The following EHMT1 variants were observed in gnomAD, a reference collection of about 807,000 sequenced individuals.
The protein encoded by EHMT1 is histone-lysine N-methyltransferase EHMT1.
EHMT1 carries 15 observed loss-of-function variants against 147.2 expected under a neutral mutation model. The observed-to-expected ratio is 0.10, with a 90% CI of 0.07 to 0.16. EHMT1 has a LOEUF of 0.16. Ranked by LOEUF, EHMT1 falls within the 10% of genes least tolerant of loss-of-function variation. The pLI, the probability that EHMT1 is intolerant of heterozygous loss-of-function variation, is 1.00. For synonymous variants in EHMT1, 795 were observed against 709.6 expected (o/e 1.12, Z -1.91); for missense variants, 1,587 against 1,772.4 (o/e 0.90, Z 1.88).
chr9:137,656,952 G>A (rs1938521263), intron 1 of EHMT1, among the ~76,000 whole-genome samples: 1 of 151,866 alleles, frequency 6.6e-6, no homozygotes, highest in South Asian at 2.1e-4. Context: ...TTTTGGCCAG[G>A]CTGGTCTTGA....
chr9:137,812,423 TG>T (rs994395490), intron 19 of EHMT1, among the ~76,000 whole-genome samples: 1 of 152,212 alleles, frequency 6.6e-6, no homozygotes, highest in African/African-American at 2.4e-5. Flanking sequence ...TGGCCTGGGA[TG>T]GAGTGTGTGT....
intron 25 of EHMT1, among the ~76,000 whole-genome samples, chr9:137,825,215 G>T (rs1250877011): frequency 6.6e-6 from 1 of 152,160 alleles, no homozygotes; most frequent in Non-Finnish European, 1.5e-5. Context: ...ACATTCTGTG[G>T]GCCAGAAGCA....
intron 7 of EHMT1, 66 bp from the exon 8 acceptor site, chr9:137,754,102 TGTA>T: frequency 6.2e-7 from 1 of 1,610,432 alleles, no homozygotes. Context: ...AGAAAACACT[TGTA>T]GTGCTCTTGC....
chr9:137,761,258 C>CTG (rs1949789483), intron 9 of EHMT1, among the ~76,000 whole-genome samples: 1 of 152,194 alleles, frequency 6.6e-6, no homozygotes, highest in African/African-American at 2.4e-5. Context: ...TTGGCTGCTT[C>CTG]TGAATGGTAG....
intron 9 of EHMT1, among the ~76,000 whole-genome samples, chr9:137,759,858 T>C (rs1208839896): frequency 6.6e-6 from 1 of 152,106 alleles, no homozygotes; most frequent in East Asian, 1.9e-4. Flanking sequence ...GTGTTTCAGA[T>C]GGGACAGGCG....
intron 4 of EHMT1, among the ~76,000 whole-genome samples, chr9:137,734,231 G>A (rs1185520203): frequency 6.6e-6 from 1 of 152,078 alleles, no homozygotes; most frequent in Non-Finnish European, 1.5e-5. Context: ...CCTAAAGGAA[G>A]GTATGGAGAG....
At chr9:137,735,012 G>A (rs531282700) in intron 4 of EHMT1, among the ~76,000 whole-genome samples, 2 of 152,350 alleles carry the variant, frequency 1.3e-5, no homozygotes, top group East Asian at 3.9e-4. Flanking sequence ...GAGAAGTAAA[G>A]ACATGGGCAG....
chr9:137,821,071 G>T (rs1488521055), intron 25 of EHMT1, among the ~76,000 whole-genome samples: 2 of 152,278 alleles, frequency 1.3e-5, no homozygotes, highest in South Asian at 2.1e-4. Flanking sequence ...TAGAGACAGG[G>T]TTTCACCATG....
intron 1 of EHMT1, chr9:137,641,330 C>G (rs1180897067): frequency 1.2e-5 from 6 of 480,294 alleles, no homozygotes; most frequent in Non-Finnish European, 2.5e-5. Flanking sequence ...AGATGAAATT[C>G]TTTGAGAGAG....
intron 25 of EHMT1, among the ~76,000 whole-genome samples, chr9:137,823,769 G>C (rs893516602): frequency 6.6e-6 from 1 of 152,004 alleles, no homozygotes; most frequent in Non-Finnish European, 1.5e-5. Context: ...TGTTGGCCAG[G>C]CTGGTCTCGA....
At chr9:137,816,331 C>T (rs1954916775) in intron 23 of EHMT1, 2 of 517,956 alleles carry the variant, frequency 3.9e-6, no homozygotes, top group South Asian at 2.0e-5. Context: ...GAGGAACGGA[C>T]TTGGCCTAAG....
chr9:137,770,049 C>CAAGA (rs1950493507), intron 10 of EHMT1, among the ~76,000 whole-genome samples: 1 of 152,158 alleles, frequency 6.6e-6, no homozygotes, highest in Non-Finnish European at 1.5e-5. Flanking sequence ...CTTGCCCAGG[C>CAAGA]TGGTGTGGAA....
intron 19 of EHMT1, 58 bp downstream of exon 19, chr9:137,811,673 G>C (rs1954495192): frequency 1.3e-6 from 2 of 1,596,534 alleles, no homozygotes; most frequent in South Asian, 2.2e-5. Context: ...GGCGCCCAGA[G>C]AGACCGCTTG....
At chr9:137,638,159 G>A (rs926278454) in intron 1 of EHMT1, 1 of 151,618 alleles carries the variant, frequency 6.6e-6, no homozygotes, top group East Asian at 1.9e-4. Context: ...TGCCCAGGCT[G>A]GAGTGCAGTG....
chr9:137,834,031 TGG>T (rs1203853879), intron 25 of EHMT1: 1 of 431,736 alleles, frequency 2.3e-6, no homozygotes, highest in African/African-American at 2.0e-5. Context: ...GGTCCTCGGG[TGG>T]GATGGCGCTG....
Position 137,775,218 on chromosome 9 carries a change from A to G in EHMT1, c.1757A>G (p.Gln586Arg). ...EDHRGRMVKH[Q>R]CCPGCGYFCT... is the part of the protein sequence containing the mutation. The stretch of plus-strand genomic sequence containing the variant: ...CACCGGGGCCGCATGGTGAAGCACC[A>G]GTGCTGTCCTGGCTGTGGCTACTTC... Residue 586 changes from glutamine (Q) to arginine (R), a missense_variant, in exon 11 of 27, where the codon CAG becomes CGG. By Grantham distance (43) the Gln-to-Arg change is conservative. Around this residue, in one of 7 missense-constraint regions of EHMT1, gnomAD observed 124 missense variants for 197.8 expected, o/e 0.63. Transcript: ENST00000460843. This position sits in a 1 kb window ranked among gnomAD's most constrained non-coding sequence, Gnocchi z 6.1. The G allele has an allele frequency of 6.2e-7, 1 of 1,613,222 alleles. No homozygotes were observed. Among genetic ancestry groups the G allele is most frequent in the African/African-American group, 1.3e-5 (1 of 75,032 alleles).
chr9:137,800,074 C>T (rs766242375), intron 17 of EHMT1, among the ~76,000 whole-genome samples: 20 of 152,192 alleles, frequency 1.3e-4, no homozygotes, highest in African/African-American at 4.1e-4. Flanking sequence ...GACTGTCCAC[C>T]GCAGGGGAGA....
In EHMT1 at chr9:137,787,730, G is replaced by A. The variant is rs1176637190; in HGVS notation, c.2383-3118G>A. 4 of 737,724 alleles carry A rather than the reference G, an allele frequency of 5.4e-6. No individual in the cohort carries two copies. The highest frequency in any genetic ancestry group is 1.6e-5 in the South Asian group (1 of 63,148). The allele number at this position is 737,724 out of a possible 1,614,324, so 45.7% of individuals were successfully genotyped here. On this transcript the variant is annotated intron_variant, in intron 15 of 26. Transcript: ENST00000460843. The surrounding 1 kb of genome is among the most constrained non-coding windows in gnomAD (Gnocchi z 4.2). ...GCCGCCAGGTCCCCAGGGTGCCACCGAAACATCGTAGATGCTTTTGTTGGG... is the reference window on the plus strand; with the variant it reads ...GCCGCCAGGTCCCCAGGGTGCCACCAAAACATCGTAGATGCTTTTGTTGGG...
intron 1 of EHMT1, among the ~76,000 whole-genome samples, chr9:137,670,524 A>G (rs1013430515): frequency 2.6e-5 from 4 of 151,470 alleles, no homozygotes; most frequent in African/African-American, 9.7e-5. Flanking sequence ...TGCTCCCTTC[A>G]TGGCTTCCCA....
Sources: gnomAD v4.1 joint callset for allele counts (sites outside exome capture counted in the v4.1 genomes callset) on GRCh38, gnomAD v4.1.1 for gene constraint, gnomAD v4.1.1 regional missense constraint, Gnocchi (gnomAD v3.1) non-coding constraint, MANE v1.5 for transcripts, NCBI Gene and HGNC (gene_info 2026-07-23, HGNC 2026-07-21) for gene names.